The following DMD variants were observed in gnomAD, a reference collection of about 807,000 sequenced individuals.
The protein encoded by DMD is dystrophin, also known as mutant dystrophin.
DMD carries 63 observed loss-of-function variants against 330.1 expected under a neutral mutation model. The ratio of observed to expected loss-of-function variants is 0.19; its 90% CI spans 0.16 to 0.24. The LOEUF (loss-of-function observed/expected upper bound fraction) is 0.24, where lower values mean the gene tolerates loss of function less well. Among genes scored for constraint, DMD ranks in the 10% least tolerant of loss-of-function variants. The pLI is 1.00. For synonymous variants in DMD, 1,223 were observed against 959.8 expected (o/e 1.27, Z -5.07); for missense variants, 3,344 against 2,684.1 (o/e 1.25, Z -5.43).
intron 53 of DMD, among the ~76,000 whole-genome samples, chrX:31,678,603 AAGAAG>A (rs928961211): frequency 8.1e-5 from 9 of 111,751 alleles, no homozygotes; most frequent in African/African-American, 2.9e-4. Flanking sequence ...AGGAAAGAGA[AAGAAG>A]AGAAGAATGA....
Position 32,788,731 on chromosome X carries a change from C to G in DMD, c.649+20762G>C, listed in dbSNP as rs3795195. Among the ~76,000 whole-genome samples the G allele has an allele frequency of 1.1e-4, 12 of 112,009 alleles. No homozygotes were observed. In the East Asian group the frequency reaches 3.4e-3, roughly 31 times the overall value. ...TATTTATGGCATTAATATCAGAGATCATAAAATTAAGCCATTTGCTTATTT... is the reference window on the plus strand; with the variant it reads ...TATTTATGGCATTAATATCAGAGATGATAAAATTAAGCCATTTGCTTATTT... On this transcript the variant is annotated intron_variant, in intron 7 of 78. Transcript: ENST00000357033.
chrX:31,304,737 C>T (rs751517335), intron 62 of DMD, among the ~76,000 whole-genome samples: 9 of 110,461 alleles, frequency 8.1e-5, no homozygotes, highest in Non-Finnish European at 1.5e-4. Flanking sequence ...GAAACTAGCT[C>T]GATATTGTGA....
chrX:33,280,632 G>T (rs1358151594), intron 1 of DMD, among the ~76,000 whole-genome samples: 2 of 111,491 alleles, frequency 1.8e-5, no homozygotes, highest in Non-Finnish European at 3.8e-5. Context: ...TTGTGGTGAT[G>T]GTTTCACAGG....
chrX:31,181,626 G>T lies in DMD; in HGVS notation c.9974+1112C>A, dbSNP rs2041165963. ...TTGCAAGCAGTACCTACTCACTGTT[G>T]TCTATCTAGGCTTCAGAAACCTCTA... On this transcript the variant is annotated intron_variant, in intron 68 of 78. Transcript: ENST00000357033. Among the ~76,000 whole-genome samples, 3 of 112,005 alleles carry T rather than the reference G, an allele frequency of 2.7e-5. No homozygotes were observed. The Admixed American group carries it at 2.8e-4, about 11-fold the overall frequency.
chrX:32,277,932 A>G (rs926523832), intron 43 of DMD, among the ~76,000 whole-genome samples: 3 of 110,818 alleles, frequency 2.7e-5, no homozygotes, highest in African/African-American at 9.8e-5. Flanking sequence ...ATCGAACCCA[A>G]AATTAGTGGA....
intron 1 of DMD, among the ~76,000 whole-genome samples, chrX:33,095,949 A>G (rs953472192): frequency 2.9e-5 from 3 of 104,969 alleles, no homozygotes; most frequent in African/African-American, 1.0e-4. Flanking sequence ...TAAATCAAAC[A>G]CTACTTCTTC....
At chrX:32,854,644 T>C (rs1179472169) in intron 2 of DMD, among the ~76,000 whole-genome samples, 1 of 108,716 alleles carries the variant, frequency 9.2e-6, no homozygotes, top group African/African-American at 3.3e-5. Context: ...AATTAGATTG[T>C]GTCATGAAGA....
chrX:32,204,976 A>ATCTCTCTCTCTCTCTC (rs200970973), intron 44 of DMD, among the ~76,000 whole-genome samples: 946 of 45,223 alleles, frequency 0.021, 38 homozygotes, highest in African/African-American at 0.032. Context: ...CATCCAAGCC[A>ATCTCTCTCTCTCTCTC]TCTCTCTCTC....
intron 11 of DMD, among the ~76,000 whole-genome samples, chrX:32,632,094 G>A (rs2058770356): frequency 8.9e-6 from 1 of 112,274 alleles, no homozygotes; most frequent in South Asian, 3.7e-4. Context: ...AAGATACAAT[G>A]GGATTATAAG....
At chrX:32,380,301 C>T (rs1013751369) in intron 34 of DMD, among the ~76,000 whole-genome samples, 7 of 111,127 alleles carry the variant, frequency 6.3e-5, no homozygotes, top group African/African-American at 2.3e-4. Context: ...TTACTGAACT[C>T]TAAGGAAGCT....
At chrX:32,337,580 T>A (rs1188294924) in intron 41 of DMD, among the ~76,000 whole-genome samples, 4 of 110,542 alleles carry the variant, frequency 3.6e-5, no homozygotes, top group Admixed American at 9.8e-5. Flanking sequence ...GGTTTAGCAC[T>A]TTTTTGCTAT....
chrX:31,845,087 T>C (rs1476114031), intron 48 of DMD, among the ~76,000 whole-genome samples: 5 of 109,264 alleles, frequency 4.6e-5, no homozygotes, highest in African/African-American at 1.7e-4. Context: ...TATATATATG[T>C]ATATGTATGC....
chrX:32,415,857 TA>T (rs755751580), intron 29 of DMD, among the ~76,000 whole-genome samples: 1 of 112,458 alleles, frequency 8.9e-6, no homozygotes, highest in African/African-American at 3.2e-5. Context: ...TAAAACTAAG[TA>T]AAAGTTAACA....
At chrX:31,408,126 A>G (rs1313648530) in intron 60 of DMD, among the ~76,000 whole-genome samples, 1 of 112,060 alleles carries the variant, frequency 8.9e-6, no homozygotes, top group Admixed American at 9.5e-5. Context: ...AGGGAACTAG[A>G]GCATTAGTCC....
rs987763103 is a variant in DMD at position 32,454,293 on chromosome X, GACT to G, written c.3603+366_3603+368del. Reference sequence around the variant, plus strand: ...AACTACCAAATTAACACAGTTTGTTGACTACATTATAAATTTGTCTTTTCAAGA... The same window carrying G: ...AACTACCAAATTAACACAGTTTGTTGACATTATAAATTTGTCTTTTCAAGA... On this transcript the variant is annotated intron_variant, in intron 26 of 78. Transcript: ENST00000357033. Among the ~76,000 whole-genome samples the G allele has an allele frequency of 3.6e-5, 4 of 110,991 alleles. No individual in the cohort carries two copies. In the East Asian group the frequency reaches 8.5e-4, roughly 23 times the overall value.
At chrX:31,235,066 C>G (rs1027584531) in intron 63 of DMD, among the ~76,000 whole-genome samples, 33 of 111,660 alleles carry the variant, frequency 3.0e-4, no homozygotes, top group Non-Finnish European at 1.1e-4. Flanking sequence ...TCTTGCTAAA[C>G]TGATTTAGCA....
chrX:32,520,859 T>C (rs1447811807), intron 17 of DMD, among the ~76,000 whole-genome samples: 2 of 107,438 alleles, frequency 1.9e-5, no homozygotes, highest in Non-Finnish European at 3.9e-5. Flanking sequence ...TTTTTTTTTT[T>C]TTTTTCCCAA....
chrX:32,732,035 A>G (rs1242456222), intron 7 of DMD, among the ~76,000 whole-genome samples: 1 of 111,653 alleles, frequency 9.0e-6, no homozygotes, highest in African/African-American at 3.3e-5. Flanking sequence ...AAGAATGTAT[A>G]AGTAGAATAA....
intron 43 of DMD, among the ~76,000 whole-genome samples, chrX:32,239,187 T>C (rs60096434): frequency 0.26 from 28,262 of 110,617 alleles, 3,655 homozygotes; most frequent in African/African-American, 0.5. Context: ...AAACGTCCTC[T>C]GCAGGACAAA....
Sources: allele counts gnomAD v4.1 joint callset (sites outside exome capture counted in the v4.1 genomes callset), GRCh38; gene constraint gnomAD v4.1.1; transcripts MANE v1.5; gene names NCBI Gene and HGNC (gene_info 2026-07-23, HGNC 2026-07-21).